Variants in ASB3 observed in about 807,000 individuals in gnomAD.
The protein encoded by ASB3 is ankyrin repeat and SOCS box containing 3.
Under a neutral mutation model 54.5 loss-of-function variants are expected in ASB3, and 41 were observed. The observed-to-expected ratio is 0.75, with a 90% CI of 0.59 to 0.98. The LOEUF (loss-of-function observed/expected upper bound fraction) is 0.98, where lower values mean the gene tolerates loss of function less well. Among genes scored for constraint, ASB3 ranks in the 50% least tolerant of loss-of-function variants. ASB3 has a pLI of 0.00. For synonymous variants in ASB3, 266 were observed against 221.2 expected, an observed-to-expected ratio of 1.20 and a Z score of -1.80; for missense variants, 733 against 620.0, an observed-to-expected ratio of 1.18 and a Z score of -1.94.
At chr2:53,769,762 C>T (rs542099311) in intron 1 of ASB3, among the ~76,000 whole-genome samples, 114 of 152,290 alleles carry the variant, frequency 7.5e-4, no homozygotes, top group African/African-American at 2.6e-3. Flanking sequence ...GCAGGAGAAT[C>T]GCTTGGGAGG....
intron 5 of ASB3, among the ~76,000 whole-genome samples, chr2:53,717,292 C>T (rs565357954): frequency 5.9e-4 from 90 of 152,196 alleles, no homozygotes; most frequent in Non-Finnish European, 1.1e-3. Flanking sequence ...AATTATGCCA[C>T]TAATTGATTC....
chr2:53,729,488 T>C lies in ASB3; in HGVS notation c.438A>G (p.Gly146=). Residue 146 remains glycine, a synonymous_variant, in exon 4 of 10, where the codon GGA becomes GGG. Transcript: ENST00000263634. The part of the protein sequence containing the change: ...ANVNGSHSMC[G]WNSLHQASFQ... ...AAGAAGCCTGGTGCAAGGAGTTCCA[T>C]CCACACATAGAATGGGATCCATTAA... 6.2e-7 allele frequency: 1 copy of C among 1,613,918 alleles called. No individual in the cohort carries two copies. The highest frequency in any genetic ancestry group is 8.5e-7 in the Non-Finnish European group (1 of 1,179,826).
At chr2:53,691,545 G>A (rs1668910495) in intron 9 of ASB3, among the ~76,000 whole-genome samples, 1 of 152,120 alleles carries the variant, frequency 6.6e-6, no homozygotes, top group South Asian at 2.1e-4. Context: ...TTTGTAAAGA[G>A]GTTAATCAAA....
At chr2:53,722,974 T>C (rs1670791116) in intron 5 of ASB3, among the ~76,000 whole-genome samples, 1 of 152,160 alleles carries the variant, frequency 6.6e-6, no homozygotes, top group Non-Finnish European at 1.5e-5. Flanking sequence ...CTGAAGCTGA[T>C]AAACAACTTC....
At chr2:53,763,150 G>A (rs1410063707) in intron 2 of ASB3, among the ~76,000 whole-genome samples, 2 of 152,174 alleles carry the variant, frequency 1.3e-5, no homozygotes, top group Non-Finnish European at 2.9e-5. Context: ...GGGAAGCCAA[G>A]GCAGGAGGAT....
At chr2:53,688,029 C>T (rs1309120294) in intron 9 of ASB3, among the ~76,000 whole-genome samples, 1 of 152,054 alleles carries the variant, frequency 6.6e-6, no homozygotes, top group Non-Finnish European at 1.5e-5. Context: ...CCATGTTGCC[C>T]AACTGGTCTT....
At chr2:53,711,224 G>C (rs1172204800) in intron 7 of ASB3, among the ~76,000 whole-genome samples, 1 of 152,058 alleles carries the variant, frequency 6.6e-6, no homozygotes, top group South Asian at 2.1e-4. Context: ...GCACAATTAG[G>C]GTATCCGCTT....
chr2:53,774,574 G>A lies in ASB3; in HGVS notation c.-13-8989C>T, dbSNP rs139585160. The A allele has an allele frequency of 5.0e-5, 66 of 1,325,738 alleles. No individual in the cohort carries two copies. The African/African-American group carries it at 9.1e-4, about 18-fold the overall frequency. 82.1% of individuals were successfully genotyped at this position (1,325,738 alleles called of 1,614,324 possible). On this transcript the variant is annotated intron_variant, in intron 1 of 9. Coordinates refer to ENST00000263634, the MANE Select transcript of ASB3 (RefSeq NM_016115.5). Reference sequence around the variant, plus strand: ...CAGTGCACAATGACAATATGATTTGGAAATACGTTTACTTAAAGATCTTAT... The same window carrying A: ...CAGTGCACAATGACAATATGATTTGAAAATACGTTTACTTAAAGATCTTAT...
chr2:53,701,120 C>T (rs1385562327), intron 7 of ASB3, among the ~76,000 whole-genome samples: 2 of 152,150 alleles, frequency 1.3e-5, no homozygotes, highest in Admixed American at 1.3e-4. Flanking sequence ...ACTACAGCTA[C>T]ATGCCACCAT....
intron 7 of ASB3, among the ~76,000 whole-genome samples, chr2:53,714,167 T>C (rs1018501293): frequency 6.6e-6 from 1 of 152,118 alleles, no homozygotes; most frequent in Non-Finnish European, 1.5e-5. Flanking sequence ...AAAAATATAA[T>C]CCAGATCCAA....
chr2:53,757,763 T>A (rs1239628927), intron 2 of ASB3, among the ~76,000 whole-genome samples: 1 of 152,140 alleles, frequency 6.6e-6, no homozygotes, highest in Non-Finnish European at 1.5e-5. Flanking sequence ...GTGGGACCCA[T>A]TCCCCACCAC....
intron 3 of ASB3, among the ~76,000 whole-genome samples, chr2:53,730,510 G>A (rs536157895): frequency 6.6e-6 from 1 of 152,304 alleles, no homozygotes; most frequent in African/African-American, 2.4e-5. Flanking sequence ...AGGAACATAC[G>A]TGTGCATCCA....
intron 1 of ASB3, among the ~76,000 whole-genome samples, chr2:53,771,591 T>C (rs571498714): frequency 6.6e-6 from 1 of 152,342 alleles, no homozygotes; most frequent in East Asian, 1.9e-4. Context: ...TTATAATTAC[T>C]GCTTCCATTT....
intron 9 of ASB3, among the ~76,000 whole-genome samples, chr2:53,685,436 A>C (rs2103687550): frequency 6.6e-6 from 1 of 152,310 alleles, no homozygotes; most frequent in African/African-American, 2.4e-5. Context: ...CACCAAACTA[A>C]GGAACTACTT....
chr2:53,712,206 T>TA (rs1279333693), intron 7 of ASB3, among the ~76,000 whole-genome samples: 2 of 140,148 alleles, frequency 1.4e-5, no homozygotes, highest in Non-Finnish European at 3.1e-5. Flanking sequence ...TGAGTCTCTA[T>TA]AAAAAAATAC....
At chr2:53,730,784 A>T (rs921419653) in intron 3 of ASB3, among the ~76,000 whole-genome samples, 1 of 152,204 alleles carries the variant, frequency 6.6e-6, no homozygotes, top group African/African-American at 2.4e-5. Context: ...ATTAGTAAGA[A>T]AAAAGATTTG....
rs750921707 is a variant in ASB3, at chr2:53,716,664, C to T, written c.684G>A (p.Val228=). The change falls in exon 6 of 10, where the codon GTG becomes GTA. Residue 228 remains valine, a synonymous_variant. Coordinates refer to ENST00000263634, the MANE Select transcript of ASB3 (RefSeq NM_016115.5). ...CTGCCCCACTGGAGAGCAAAAGCTCCACACATTTTGTGTGTCCCTCTTGAG... is the reference window on the plus strand; with the variant it reads ...CTGCCCCACTGGAGAGCAAAAGCTCTACACATTTTGTGTGTCCCTCTTGAG... The part of the protein sequence containing the change: ...IAAQEGHTKC[V]ELLLSSGADP... 6 of 1,614,130 alleles carry T rather than the reference C, an allele frequency of 3.7e-6. No individual in the cohort carries two copies. The highest frequency in any genetic ancestry group is 5.1e-6 in the Non-Finnish European group (6 of 1,180,000).
chr2:53,780,406 G>C (rs183795182), intron 1 of ASB3, among the ~76,000 whole-genome samples: 1 of 151,992 alleles, frequency 6.6e-6, no homozygotes, highest in Non-Finnish European at 1.5e-5. Context: ...GATAGTCCCC[G>C]GCTATCAAGA....
intron 1 of ASB3, among the ~76,000 whole-genome samples, chr2:53,785,585 G>C (rs1342747147): frequency 2.6e-5 from 4 of 152,244 alleles, no homozygotes; most frequent in African/African-American, 7.2e-5. Context: ...GCTCAGGCCT[G>C]TAATCCCAGC....
Sources: allele counts gnomAD v4.1 joint callset (sites outside exome capture counted in the v4.1 genomes callset), GRCh38; gene constraint gnomAD v4.1.1; transcripts MANE v1.5; gene names NCBI Gene and HGNC (gene_info 2026-07-23, HGNC 2026-07-21).